GNG2: variants seen among roughly 807,000 people sequenced by gnomAD.
The protein encoded by GNG2 is guanine nucleotide-binding protein G(I)/G(S)/G(O) subunit gamma-2.
GNG2 carries 5 observed loss-of-function variants against 5.5 expected under a neutral mutation model. The ratio of observed to expected loss-of-function variants is 0.91; its 90% CI spans 0.48 to 1.92. The LOEUF (loss-of-function observed/expected upper bound fraction) is 1.92. Among genes scored for constraint, GNG2 ranks in the 30% most tolerant of loss-of-function variants. The probability of loss-of-function intolerance (pLI) is 0.01; values close to 1 mark genes in which losing one functional copy is unlikely to be tolerated. For missense variants in GNG2, 55 were observed against 88.4 expected (o/e 0.62, Z 1.52); for synonymous variants, 28 against 32.0 (o/e 0.88, Z 0.42).
chr14:51,896,942 A>C (rs1885231244), intron 2 of GNG2, among the ~76,000 whole-genome samples: 1 of 152,232 alleles, frequency 6.6e-6, no homozygotes, highest in East Asian at 1.9e-4. Context: ...AAAAAAGATG[A>C]ATATATGAAT....
chr14:51,897,706 G>T (rs904263154), intron 2 of GNG2, among the ~76,000 whole-genome samples: 2 of 152,008 alleles, frequency 1.3e-5, no homozygotes, highest in African/African-American at 4.8e-5. Context: ...GTTCTGGGAG[G>T]GCAAGGAACT....
chr14:51,888,992 G>A (rs1176336474), intron 2 of GNG2, among the ~76,000 whole-genome samples: 1 of 152,036 alleles, frequency 6.6e-6, no homozygotes, highest in Non-Finnish European at 1.5e-5. Flanking sequence ...ATGATCCCAG[G>A]CACTGAAATG....
chr14:51,890,749 C>A (rs1171215749), intron 2 of GNG2, among the ~76,000 whole-genome samples: 1 of 152,124 alleles, frequency 6.6e-6, no homozygotes, highest in Non-Finnish European at 1.5e-5. Context: ...GTGGCTTCTT[C>A]AATAAGCGGA....
chr14:51,843,400 G>A (rs1881537870), intron 2 of GNG2, among the ~76,000 whole-genome samples: 3 of 152,082 alleles, frequency 2.0e-5, no homozygotes, highest in Admixed American at 2.0e-4. Flanking sequence ...ACACAGGGAT[G>A]GGAGCATCAC....
At chr14:51,917,223 C>A (rs1347885130) in intron 2 of GNG2, 5 of 377,858 alleles carry the variant, frequency 1.3e-5, no homozygotes, top group African/African-American at 8.5e-5. Flanking sequence ...TGAAAAGTCC[C>A]CAAATGTTCT....
chr14:51,955,721 T>C (rs913339668), intron 3 of GNG2, among the ~76,000 whole-genome samples: 1 of 152,246 alleles, frequency 6.6e-6, no homozygotes, highest in African/African-American at 2.4e-5. Context: ...ATGGAATTAG[T>C]CATTTTAAAG....
intron 2 of GNG2, among the ~76,000 whole-genome samples, chr14:51,907,264 G>T (rs946395884): frequency 6.6e-6 from 1 of 152,178 alleles, no homozygotes; most frequent in Non-Finnish European, 1.5e-5. Flanking sequence ...GATTTGTGAA[G>T]TGCTGATTCA....
chr14:51,908,277 C>T (rs1374361816), intron 2 of GNG2, among the ~76,000 whole-genome samples: 5 of 152,158 alleles, frequency 3.3e-5, no homozygotes, highest in East Asian at 1.9e-4. Flanking sequence ...GGGCCCAAGA[C>T]GGAAGCCACA....
At chr14:51,842,674 T>G (rs1307298212) in intron 2 of GNG2, among the ~76,000 whole-genome samples, 1 of 151,876 alleles carries the variant, frequency 6.6e-6, no homozygotes, top group Non-Finnish European at 1.5e-5. Flanking sequence ...GAATTTTTTT[T>G]TTTTTTTTGA....
rs953025950 is a variant in GNG2 at position 51,943,496 on chromosome 14, T to A, written c.-29-7154T>A. ...ACTGCCTAAGCATCTAATGGGACTCTGTCAACCCTTTTTATTGACCCCATT... is the reference window on the plus strand; with the variant it reads ...ACTGCCTAAGCATCTAATGGGACTCAGTCAACCCTTTTTATTGACCCCATT... On this transcript the variant is annotated intron_variant, in intron 2 of 3. Transcript: ENST00000556766. 3.9e-5 allele frequency among the ~76,000 whole-genome samples: 6 copies of A among 152,370 alleles called. No homozygotes were observed. The East Asian group carries it at 1.2e-3, about 29-fold the overall frequency.
intron 2 of GNG2, among the ~76,000 whole-genome samples, chr14:51,854,722 A>G (rs550399631): frequency 6.6e-6 from 1 of 152,172 alleles, no homozygotes; most frequent in South Asian, 2.1e-4. Context: ...CATGTTGGCC[A>G]GGCTGCTCTC....
chr14:51,836,221 C>T (rs1189396043), intron 2 of GNG2, among the ~76,000 whole-genome samples: 1 of 151,966 alleles, frequency 6.6e-6, no homozygotes, highest in African/African-American at 2.4e-5. Context: ...CTGATTATCT[C>T]GCAAAGACCT....
At position 51,963,938 on chromosome 14, in the gene GNG2, A is replaced by G. The variant is rs184214354; in HGVS notation, c.88-2621A>G. On this transcript the variant is annotated intron_variant, in intron 3 of 3. Coordinates refer to ENST00000556766, the MANE Select transcript of GNG2 (RefSeq NM_053064.5). Reference sequence around the variant, plus strand: ...ACTGATTTTTACATACATATCATGTATTGGGTTGACTAGTGTCCCCTAAAA... The same window carrying G: ...ACTGATTTTTACATACATATCATGTGTTGGGTTGACTAGTGTCCCCTAAAA... 6.6e-5 allele frequency among the ~76,000 whole-genome samples: 10 copies of G among 152,358 alleles called. No homozygotes were observed. The East Asian group carries it at 1.9e-3, about 29-fold the overall frequency.
intron 1 of GNG2, among the ~76,000 whole-genome samples, chr14:51,869,242 A>G (rs1348049790): frequency 2.0e-5 from 3 of 152,238 alleles, no homozygotes; most frequent in Non-Finnish European, 4.4e-5. Flanking sequence ...CTATCAGGAT[A>G]TTTCTGGCTG....
In GNG2 at chr14:51,922,658, C is replaced by T. The variant is rs150615553; in HGVS notation, c.-29-27992C>T. The stretch of plus-strand genomic sequence containing the variant: ...CTCCCTTGAGCCTTCTCCCTGTCTT[C>T]GGTTTCTTCTCTCTCTCCAAAGACT... On this transcript the variant is annotated intron_variant, in intron 2 of 3. Transcript: ENST00000556766. Among the ~76,000 whole-genome samples, 611 of 152,294 alleles carry T rather than the reference C, an allele frequency of 4.0e-3. 4 individuals carry two copies. The highest frequency in any genetic ancestry group is 0.017 in the Middle Eastern group (5 of 294).
In GNG2 at chr14:51,897,773, G is replaced by A. The variant is rs971870768; in HGVS notation, c.-30+20116G>A. On this transcript the variant is annotated intron_variant, in intron 2 of 3. Transcript: ENST00000556766. ...ATGGCCAAGTAGACAGACTGTCATT[G>A]GCTCTGCCATGTTGGAGCCAGGGTC... Among the ~76,000 whole-genome samples the A allele has an allele frequency of 3.9e-5, 6 of 152,198 alleles. No individual in the cohort carries two copies. The South Asian group carries it at 1.2e-3, about 32-fold the overall frequency.
intron 3 of GNG2, chr14:51,952,120 T>C: frequency 1.8e-6 from 1 of 567,788 alleles, no homozygotes; most frequent in East Asian, 2.9e-5. Context: ...TTACTTCTGC[T>C]AAGTCTCATC....
At chr14:51,850,222 C>T (rs1442865306) in intron 2 of GNG2, among the ~76,000 whole-genome samples, 2 of 151,978 alleles carry the variant, frequency 1.3e-5, no homozygotes, top group African/African-American at 4.8e-5. Context: ...GCACTCCCAC[C>T]CTTAATTTTA....
At chr14:51,869,878 A>G (rs1313814156) in intron 1 of GNG2, among the ~76,000 whole-genome samples, 2 of 152,166 alleles carry the variant, frequency 1.3e-5, no homozygotes, top group African/African-American at 2.4e-5. Flanking sequence ...CTCACATGCT[A>G]TATGTATGAG....
Sources: allele counts gnomAD v4.1 joint callset (sites outside exome capture counted in the v4.1 genomes callset), GRCh38; gene constraint gnomAD v4.1.1; transcripts MANE v1.5; gene names NCBI Gene and HGNC (gene_info 2026-07-23, HGNC 2026-07-21).